BLTP3A: variants seen among roughly 807,000 people sequenced by gnomAD.
BLTP3A encodes the protein bridge-like lipid transfer protein family member 3A.
the BLTP3A span, among the ~76,000 whole-genome samples, chr6:34,831,219 C>G: frequency 6.6e-6 from 1 of 151,828 alleles, no homozygotes; most frequent in African/African-American, 2.4e-5. Flanking sequence ...CCTCCACCTC[C>G]TGGGTTCAAG....
At chr6:34,796,998 C>G in the BLTP3A span, among the ~76,000 whole-genome samples, 441 of 152,294 alleles carry the variant, frequency 2.9e-3, no homozygotes, top group Admixed American at 7.2e-3. Flanking sequence ...CCACTGCGCC[C>G]GGCCCTGAGC....
the BLTP3A span, chr6:34,867,718 A>C: frequency 7.1e-7 from 1 of 1,413,516 alleles, no homozygotes; most frequent in South Asian, 1.5e-5. Flanking sequence ...CCACTCTACT[A>C]GTGCCAAGTT....
the BLTP3A span, chr6:34,822,051 A>G: frequency 2.7e-6 from 4 of 1,460,606 alleles, no homozygotes; most frequent in Non-Finnish European, 3.8e-6. Flanking sequence ...CCCTTTTAGG[A>G]ATGGTGGGTG....
At chr6:34,848,304 T>C in the BLTP3A span, among the ~76,000 whole-genome samples, 1 of 150,000 alleles carries the variant, frequency 6.7e-6, no homozygotes, top group Non-Finnish European at 1.5e-5. Context: ...ATAATAATAA[T>C]CAATCAATCA....
the BLTP3A span, among the ~76,000 whole-genome samples, chr6:34,837,065 T>G: frequency 6.6e-6 from 1 of 152,244 alleles, no homozygotes; most frequent in East Asian, 1.9e-4. Context: ...TGGAGGACCT[T>G]GATTATAGGC....
At chr6:34,863,437 G>A in the BLTP3A span, among the ~76,000 whole-genome samples, 1 of 152,030 alleles carries the variant, frequency 6.6e-6, no homozygotes, top group African/African-American at 2.4e-5. Flanking sequence ...TTATGCCATT[G>A]CCTATAGAAT....
At chr6:34,855,073 G>A in the BLTP3A span, among the ~76,000 whole-genome samples, 1 of 152,156 alleles carries the variant, frequency 6.6e-6, no homozygotes, top group African/African-American at 2.4e-5. Context: ...AATATTCTAT[G>A]TGTTTATTTT....
At chr6:34,806,656 A>G in the BLTP3A span, among the ~76,000 whole-genome samples, 1 of 152,112 alleles carries the variant, frequency 6.6e-6, no homozygotes, top group East Asian at 1.9e-4. Flanking sequence ...AGTAACATGG[A>G]TAACCTATTC....
chr6:34,827,052 C>G, the BLTP3A span, among the ~76,000 whole-genome samples: 1 of 152,284 alleles, frequency 6.6e-6, no homozygotes, highest in Admixed American at 6.5e-5. Flanking sequence ...GTGGCTCACA[C>G]CTGTAATCCC....
At chr6:34,871,692 G>C in the BLTP3A span, 1 of 1,614,178 alleles carries the variant, frequency 6.2e-7, no homozygotes, top group Non-Finnish European at 8.5e-7. Flanking sequence ...CCACATAGGC[G>C]GTGAGTCAGG....
chr6:34,859,703 G>T, the BLTP3A span: 2 of 1,373,574 alleles, frequency 1.5e-6, no homozygotes, highest in Non-Finnish European at 9.9e-7. Context: ...GCATAGAATG[G>T]CCTATTTAAT....
chr6:34,803,782 T>G, the BLTP3A span, among the ~76,000 whole-genome samples: 2 of 151,924 alleles, frequency 1.3e-5, no homozygotes, highest in Non-Finnish European at 2.9e-5. Flanking sequence ...GTTGAAGAGT[T>G]CTAATATGTA....
chr6:34,798,044 C>G, the BLTP3A span, among the ~76,000 whole-genome samples: 1 of 152,196 alleles, frequency 6.6e-6, no homozygotes, highest in African/African-American at 2.4e-5. Flanking sequence ...TGAGAAGCTT[C>G]CCACCCTGCC....
the BLTP3A span, chr6:34,856,870 T>C: frequency 1.7e-5 from 27 of 1,614,076 alleles, 1 homozygote; most frequent in Admixed American, 1.5e-4. Context: ...GCCTCCAGCA[T>C]GGAACCGCTT....
the BLTP3A span, among the ~76,000 whole-genome samples, chr6:34,849,291 C>T: frequency 6.6e-6 from 1 of 151,938 alleles, no homozygotes; most frequent in Admixed American, 6.6e-5. Context: ...CCACAACTGG[C>T]TAATTATAGG....
At chr6:34,834,245 G>C in the BLTP3A span, 28 of 1,613,840 alleles carry the variant, frequency 1.7e-5, no homozygotes, top group Non-Finnish European at 2.0e-5. Flanking sequence ...AAAGGTGGTG[G>C]AAGGGATGTT....
the BLTP3A span, chr6:34,871,666 GTGA>G: frequency 6.2e-7 from 1 of 1,614,232 alleles, no homozygotes; most frequent in East Asian, 2.2e-5. Flanking sequence ...CTGAAGAGGA[GTGA>G]TGATGGTGTG....
the BLTP3A span, among the ~76,000 whole-genome samples, chr6:34,811,674 ACC>A: frequency 4.0e-5 from 3 of 75,620 alleles, no homozygotes; most frequent in East Asian, 4.9e-4. Context: ...ACATGGTGAG[ACC>A]CCCCCCCCCG....
chr6:34,802,691 T>TCA, the BLTP3A span, among the ~76,000 whole-genome samples: 1 of 152,196 alleles, frequency 6.6e-6, no homozygotes, highest in Non-Finnish European at 1.5e-5. Flanking sequence ...CAAATCCTGG[T>TCA]GATTCCACGT....
Sources: allele counts gnomAD v4.1 joint callset (sites outside exome capture counted in the v4.1 genomes callset), GRCh38; gene constraint gnomAD v4.1.1; transcripts MANE v1.5; gene names NCBI Gene and HGNC (gene_info 2026-07-23, HGNC 2026-07-21).